The following GRM2 variants were observed in gnomAD, a reference collection of about 807,000 sequenced individuals.
GRM2 encodes the protein metabotropic glutamate receptor 2.
GRM2 carries 35 observed loss-of-function variants against 60.4 expected under a neutral mutation model. The observed-to-expected ratio is 0.58, with a 90% CI of 0.44 to 0.77. The LOEUF is 0.77. Ranked by LOEUF, GRM2 falls within the 30% of genes least tolerant of loss-of-function variation. GRM2 has a pLI of 0.00. For missense variants in GRM2, 925 were observed against 1,199.5 expected (o/e 0.77, Z 3.38); for synonymous variants, 437 against 484.1 (o/e 0.90, Z 1.28).
Position 51,712,353 on chromosome 3 carries a change from G to C in GRM2, c.451-120G>C, listed in dbSNP as rs1703738589. ...AGTCAGGATGCAGGGCTTTAGAGAG[G>C]GAGCCTTTAGGCCTGACCTTGTGGA... is the stretch of plus-strand genomic sequence containing the variant. On this transcript the variant is annotated intron_variant, in intron 2 of 5. Coordinates refer to ENST00000395052, the MANE Select transcript of GRM2 (RefSeq NM_000839.5). The surrounding 1 kb of genome is among the most constrained non-coding windows in gnomAD (Gnocchi z 5.3). 4 of 706,634 alleles carry C rather than the reference G, an allele frequency of 5.7e-6. No homozygotes were observed. The highest frequency in any genetic ancestry group is 1.0e-5 in the Non-Finnish European group (4 of 400,342). The allele number at this position is 706,634 out of a possible 1,614,324, so 43.8% of individuals were successfully genotyped here. A position where few individuals can be genotyped will look rare whatever the true frequency, so the allele number is the denominator to read the frequency against.
At position 51,713,012 on chromosome 3, in the gene GRM2, C is replaced by T; in HGVS notation, c.990C>T (p.Tyr330=). Residue 330 remains tyrosine, a synonymous_variant, in exon 3 of 6, where the codon TAC becomes TAT. Coordinates refer to ENST00000395052, the MANE Select transcript of GRM2 (RefSeq NM_000839.5). The surrounding 1 kb of genome is among the most constrained non-coding windows in gnomAD (Gnocchi z 4.8). ...ASYPISDFAS[Y]FQSLDPWNNS... Reference sequence around the variant, plus strand: ...ACCCCATCAGTGACTTTGCCTCCTACTTCCAGAGCCTGGACCCTTGGAACA... The same window carrying T: ...ACCCCATCAGTGACTTTGCCTCCTATTTCCAGAGCCTGGACCCTTGGAACA... 1 of 1,613,374 alleles carries T rather than the reference C, an allele frequency of 6.2e-7. No individual in the cohort carries two copies. Among genetic ancestry groups the T allele is most frequent in the Non-Finnish European group, 8.5e-7 (1 of 1,180,042 alleles).
Position 51,717,197 on chromosome 3 carries a change from A to G in GRM2, c.2365-440A>G, listed in dbSNP as rs1703932188. ...ACACACACATATCCCACATACACAC[A>G]CTCGCTGGCACACACACATATATCT... On this transcript the variant is annotated intron_variant, in intron 4 of 5. Transcript: ENST00000395052. The surrounding 1 kb of genome is among the most constrained non-coding windows in gnomAD (Gnocchi z 6.0). Among the ~76,000 whole-genome samples, 1 of 151,572 alleles carries G rather than the reference A, an allele frequency of 6.6e-6. No individual in the cohort carries two copies. The highest frequency in any genetic ancestry group is 1.5e-5 in the Non-Finnish European group (1 of 67,910).
At position 51,716,261 on chromosome 3, in the gene GRM2, G is replaced by A. The variant is rs1463662560; in HGVS notation, c.2364+124G>A. On this transcript the variant is annotated intron_variant, in intron 4 of 5. Coordinates refer to ENST00000395052, the MANE Select transcript of GRM2 (RefSeq NM_000839.5). The surrounding 1 kb of genome is among the most constrained non-coding windows in gnomAD (Gnocchi z 4.0). ...GATAATGCCCACTCAGGGGACCACAGCTTGTGTGGATCCCAAGGGGAAGGT... is the reference window on the plus strand; with the variant it reads ...GATAATGCCCACTCAGGGGACCACAACTTGTGTGGATCCCAAGGGGAAGGT... 2.9e-6 allele frequency: 2 copies of A among 678,034 alleles called. No individual in the cohort carries two copies. The highest frequency in any genetic ancestry group is 5.1e-6 in the Non-Finnish European group (2 of 395,026). The allele number at this position is 678,034 out of a possible 1,614,324, so 42.0% of individuals were successfully genotyped here. A position where few individuals can be genotyped will look rare whatever the true frequency, so the allele number is the denominator to read the frequency against.
chr3:51,708,009 C>G (rs572050366), intron 1 of GRM2: 1 of 152,334 alleles, frequency 6.6e-6, no homozygotes, highest in Admixed American at 6.5e-5. Context: ...GAAATGGTGA[C>G]TTTCTCTGCT....
chr3:51,712,611 G>C lies in GRM2; in HGVS notation c.589G>C (p.Glu197Gln). Residue 197 changes from glutamate to glutamine, a missense_variant, in exon 3 of 6, where the codon GAG becomes CAG. Physicochemically the swap from Glu to Gln is conservative, Grantham distance 29 (BLOSUM62 2). Coordinates refer to ENST00000395052, the MANE Select transcript of GRM2 (RefSeq NM_000839.5). The surrounding 1 kb of genome is among the most constrained non-coding windows in gnomAD (Gnocchi z 5.3). ...PDFFQAKAMA[E>Q]ILRFFNWTYV... ...CTTCTTCCAAGCCAAGGCCATGGCT[G>C]AGATTCTCCGCTTCTTCAACTGGAC... 1 of 1,614,168 alleles carries C rather than the reference G, an allele frequency of 6.2e-7. No individual in the cohort carries two copies. The highest frequency in any genetic ancestry group is 8.5e-7 in the Non-Finnish European group (1 of 1,180,040).
chr3:51,718,560 G>T lies in GRM2; in HGVS notation c.*448G>T. ...TGCCCCTCCCCCTGCACAGTAGTTT[G>T]TCCTGTGGTTTATTTTGTATTACCT... On this transcript the variant is annotated 3_prime_UTR_variant, in exon 6 of 6. Coordinates refer to ENST00000395052, the MANE Select transcript of GRM2 (RefSeq NM_000839.5). The surrounding 1 kb of genome is among the most constrained non-coding windows in gnomAD (Gnocchi z 4.2). 1 of 170,426 alleles carries T rather than the reference G, an allele frequency of 5.9e-6. No homozygotes were observed. The highest frequency in any genetic ancestry group is 2.4e-5 in the African/African-American group (1 of 41,954). The allele number at this position is 170,426 out of a possible 1,614,324, so 10.6% of individuals were successfully genotyped here.
At chr3:51,709,843 T>TCA (rs1254062964) in intron 2 of GRM2, among the ~76,000 whole-genome samples, 14 of 25,570 alleles carry the variant, frequency 5.5e-4, no homozygotes, top group East Asian at 1.1e-3. Context: ...ACACACACCC[T>TCA]CACACACACA....
Position 51,717,574 on chromosome 3 carries a change from A to T in GRM2, c.2365-63A>T. ...CCACTCCCTCCCCCACAGATCAGGCAGGGGGTCCTGGGGTCAGGCCCAGGT... is the reference window on the plus strand; with the variant it reads ...CCACTCCCTCCCCCACAGATCAGGCTGGGGGTCCTGGGGTCAGGCCCAGGT... On this transcript the variant is annotated intron_variant, in intron 4 of 5. Transcript: ENST00000395052. The surrounding 1 kb of genome is among the most constrained non-coding windows in gnomAD (Gnocchi z 6.0). The T allele has an allele frequency of 1.5e-6, 2 of 1,341,464 alleles. No homozygotes were observed. The highest frequency in any genetic ancestry group is 2.1e-6 in the Non-Finnish European group (2 of 948,660). 83.1% of individuals were successfully genotyped at this position (1,341,464 alleles called of 1,614,324 possible).
At position 51,708,952 on chromosome 3, in the gene GRM2, G is replaced by C; in HGVS notation, c.-32G>C. ...CTAATCTCATCCCCTGGAGACCCAG[G>C]TCTGCGGGACCCATCCATCCCCTTT... On this transcript the variant is annotated 5_prime_UTR_variant, in exon 2 of 6. Transcript: ENST00000395052. 6.7e-7 allele frequency: 1 copy of C among 1,501,998 alleles called. No individual in the cohort carries two copies. 93.0% of individuals were successfully genotyped at this position (1,501,998 alleles called of 1,614,324 possible).
chr3:51,715,081 C>T lies in GRM2; in HGVS notation c.1308C>T (p.Asp436=). 2 of 1,557,702 alleles carry T rather than the reference C, an allele frequency of 1.3e-6. No individual in the cohort carries two copies. The highest frequency in any genetic ancestry group is 1.2e-5 in the South Asian group (1 of 82,084). The change falls in exon 4 of 6, where the codon GAC becomes GAT. Residue 436 remains aspartate (D), a synonymous_variant. Transcript: ENST00000395052. The surrounding 1 kb of genome is among the most constrained non-coding windows in gnomAD (Gnocchi z 9.0). ...TCCTAGCCCCCTTTCGCCCAGCTGACACCCACAATGAGGTCCGCTTTGACC... is the reference window on the plus strand; with the variant it reads ...TCCTAGCCCCCTTTCGCCCAGCTGATACCCACAATGAGGTCCGCTTTGACC... ...VKFDAPFRPA[D]THNEVRFDRF... is the part of the protein sequence containing the mutation.
intron 3 of GRM2, chr3:51,714,825 T>C (rs1436031146): frequency 2.4e-6 from 1 of 414,582 alleles, no homozygotes; most frequent in Non-Finnish European, 4.3e-6. Context: ...AGGCTGGGAT[T>C]ACATTTGGCA....
rs148285622 is a variant in GRM2 at position 51,713,095 on chromosome 3, G to T, written c.1073G>T (p.Arg358Leu). ...FWEQRFRCSF[R>L]QRDCAAHSLR... ...GAGCAGAGGTTCCGCTGCAGCTTCC[G>T]GCAGCGAGACTGCGCAGCCCACTCT... The change falls in exon 3 of 6, where the codon CGG (arginine) becomes CTG (leucine). Residue 358 changes from arginine (R) to leucine (L), a missense_variant. By Grantham distance (102) the Arg-to-Leu change is moderately radical (BLOSUM62 -2). Transcript: ENST00000395052. This position sits in a 1 kb window ranked among gnomAD's most constrained non-coding sequence, Gnocchi z 4.8. The T allele has an allele frequency of 1.1e-5, 17 of 1,613,004 alleles. No individual in the cohort carries two copies. Among genetic ancestry groups the T allele is most frequent in the Admixed American group, 6.7e-5 (4 of 60,002 alleles).
intron 2 of GRM2, among the ~76,000 whole-genome samples, chr3:51,710,684 G>A (rs537015084): frequency 6.7e-6 from 1 of 149,262 alleles, no homozygotes; most frequent in South Asian, 2.2e-4. Flanking sequence ...TGAGGGGGTG[G>A]GAAGGGTGGG....
Position 51,717,650 on chromosome 3 carries a change from C to G in GRM2, c.2378C>G (p.Thr793Ser). ...CACCCACCGCAGGTACAGACCACCA[C>G]CATGTGCGTGTCAGTCAGCCTCAGC... ...TSSDYRVQTT[T>S]MCVSVSLSGS... The change falls in exon 5 of 6, where the codon ACC becomes AGC. Residue 793 changes from threonine (T) to serine (S), a missense_variant. Physicochemically the swap from Thr to Ser is moderately conservative, Grantham distance 58. Coordinates refer to ENST00000395052, the MANE Select transcript of GRM2 (RefSeq NM_000839.5). The surrounding 1 kb of genome is among the most constrained non-coding windows in gnomAD (Gnocchi z 6.0). The G allele has an allele frequency of 6.2e-7, 1 of 1,613,468 alleles. No individual in the cohort carries two copies. The highest frequency in any genetic ancestry group is 1.7e-4 in the Middle Eastern group (1 of 5,762).
chr3:51,709,105 A>G lies in GRM2; in HGVS notation c.122A>G (p.His41Arg). The G allele has an allele frequency of 1.2e-6, 2 of 1,611,610 alleles. No individual in the cohort carries two copies. Among genetic ancestry groups the G allele is most frequent in the Non-Finnish European group, 1.7e-6 (2 of 1,178,606 alleles). ...DLVLGGLFPV[H>R]QKGGPAEDCG... ...GTGCTGGGTGGGCTGTTCCCAGTGC[A>G]CCAGAAGGGCGGCCCAGCAGAGGAC... is the stretch of plus-strand genomic sequence containing the variant. The change falls in exon 2 of 6, where the codon CAC (histidine) becomes CGC (arginine). Residue 41 changes from histidine (H) to arginine (R), a missense_variant. His to Arg is a conservative substitution (Grantham distance 29, BLOSUM62 0). Coordinates refer to ENST00000395052, the MANE Select transcript of GRM2 (RefSeq NM_000839.5).
intron 3 of GRM2, chr3:51,714,385 C>G (rs1703823590): frequency 6.5e-6 from 1 of 153,642 alleles, no homozygotes; most frequent in Non-Finnish European, 1.4e-5. Flanking sequence ...CTTTCTTGAA[C>G]CCTGATTTCT....
rs549852315 is a variant in GRM2 at position 51,718,004 on chromosome 3, G to A, written c.2546-35G>A. 4.9e-4 allele frequency: 789 copies of A among 1,600,668 alleles called. 10 individuals are homozygous for A. In the South Asian group the frequency reaches 7.7e-3, roughly 16 times the overall value. ...CTGCCTGCCCTCCATGGAGGACCTC[G>A]GGATTGGCCCCAACCTCTGGCTTCC... On this transcript the variant is annotated intron_variant, in intron 5 of 5. Transcript: ENST00000395052. This position sits in a 1 kb window ranked among gnomAD's most constrained non-coding sequence, Gnocchi z 4.2.
intron 2 of GRM2, among the ~76,000 whole-genome samples, chr3:51,709,668 TCA>T (rs55878240): frequency 0.56 from 30,784 of 55,318 alleles, 8,299 homozygotes; most frequent in Middle Eastern, 0.6. Context: ...ACACACACCC[TCA>T]CACACACACA....
chr3:51,707,332 T>A (rs963714320), intron 1 of GRM2, 165 bp downstream of exon 1: 3 of 152,770 alleles, frequency 2.0e-5, no homozygotes, highest in Non-Finnish European at 4.4e-5. Context: ...GCCCCGGGCG[T>A]CCCGCCTTTC....
Sources: gnomAD v4.1 joint callset for allele counts (sites outside exome capture counted in the v4.1 genomes callset) on GRCh38, gnomAD v4.1.1 for gene constraint, Gnocchi (gnomAD v3.1) non-coding constraint, MANE v1.5 for transcripts, NCBI Gene and HGNC (gene_info 2026-07-23, HGNC 2026-07-21) for gene names.